Variants in TMEM39A observed in about 807,000 individuals in gnomAD.
TMEM39A encodes suppressor of SQST-1 aggregates in rpl-43 mutants.
A neutral mutation model predicts 51.9 loss-of-function variants in TMEM39A; 19 were observed. The observed-to-expected ratio is 0.37, with a 90% CI of 0.26 to 0.54. TMEM39A has a LOEUF of 0.54. Ranked by LOEUF, TMEM39A falls within the 20% of genes least tolerant of loss-of-function variation. TMEM39A has a pLI of 0.88. For synonymous variants in TMEM39A, 197 were observed against 220.2 expected (o/e 0.89, Z 0.93); for missense variants, 433 against 590.5 (o/e 0.73, Z 2.76).
At chr3:119,445,321 C>T (rs926009678) in intron 5 of TMEM39A, among the ~76,000 whole-genome samples, 2 of 152,138 alleles carry the variant, frequency 1.3e-5, no homozygotes, top group Non-Finnish European at 2.9e-5. Context: ...TGCCATGGCG[C>T]GATCCTGGCT....
At position 119,436,668 on chromosome 3, in the gene TMEM39A, A is replaced by G. The variant is rs2080971967; in HGVS notation, c.1112+123T>C. The G allele has an allele frequency of 3.8e-6, 4 of 1,045,928 alleles. No homozygotes were observed. The Admixed American group carries it at 8.6e-5, about 23-fold the overall frequency. 64.8% of individuals were successfully genotyped at this position (1,045,928 alleles called of 1,614,324 possible). A position where few individuals can be genotyped will look rare whatever the true frequency, so the allele number is the denominator to read the frequency against. ...CAGTTTAGCATGATGACAAGCATCCATGTAAGACAAAAACTAAAAATTAAA... is the reference window on the plus strand; with the variant it reads ...CAGTTTAGCATGATGACAAGCATCCGTGTAAGACAAAAACTAAAAATTAAA... On this transcript the variant is annotated intron_variant, in intron 7 of 8. Transcript: ENST00000319172.
intron 4 of TMEM39A, among the ~76,000 whole-genome samples, chr3:119,450,111 C>T (rs558954400): frequency 6.6e-6 from 1 of 152,334 alleles, no homozygotes; most frequent in Non-Finnish European, 1.5e-5. Context: ...CTATACAGCT[C>T]TTATTTTAAA....
intron 3 of TMEM39A, among the ~76,000 whole-genome samples, chr3:119,453,236 C>T (rs531090924): frequency 5.9e-5 from 9 of 152,122 alleles, no homozygotes; most frequent in Non-Finnish European, 1.0e-4. Context: ...CAATTCCTTC[C>T]AGAATGAAAC....
rs773863481 is a variant in TMEM39A at position 119,432,086 on chromosome 3, G to A, written c.1362C>T (p.Ile454=). 3 of 1,613,168 alleles carry A rather than the reference G, an allele frequency of 1.9e-6. No individual in the cohort carries two copies. Among genetic ancestry groups the A allele is most frequent in the South Asian group, 2.2e-5 (2 of 91,068 alleles). Residue 454 remains isoleucine (I), a synonymous_variant, in exon 9 of 9, where the codon ATC becomes ATT. Transcript: ENST00000319172. ...ATAAAACATAGTAGTTGCAGAAGAG[G>A]ATGAGAGCCATGGAAAGTGTGTGGT... ...KWNHTLSMAL[I]LFCNYYVLFK...
intron 3 of TMEM39A, among the ~76,000 whole-genome samples, chr3:119,455,749 A>G (rs2081255740): frequency 6.6e-6 from 1 of 152,226 alleles, no homozygotes; most frequent in South Asian, 2.1e-4. Flanking sequence ...CTATAGTCAG[A>G]TATGTTAGAT....
intron 7 of TMEM39A, chr3:119,436,479 T>C: frequency 4.6e-6 from 1 of 217,008 alleles, no homozygotes; most frequent in Non-Finnish European, 9.2e-6. Flanking sequence ...AGAAATAAAA[T>C]ATATGACTCT....
rs1199229134 is a variant in TMEM39A, at chr3:119,449,773, G to T, written c.421-2601C>A. 2.0e-5 allele frequency among the ~76,000 whole-genome samples: 3 copies of T among 152,110 alleles called. No homozygotes were observed. In the East Asian group the frequency reaches 5.8e-4, roughly 29 times the overall value. On this transcript the variant is annotated intron_variant, in intron 4 of 8. Coordinates refer to ENST00000319172, the MANE Select transcript of TMEM39A (RefSeq NM_018266.3). ...AATTTTTAAAAAGAGAGTTGCTTCAGGTTGGTGAAAAAACAGCTAAATTTA... is the reference window on the plus strand; with the variant it reads ...AATTTTTAAAAAGAGAGTTGCTTCATGTTGGTGAAAAAACAGCTAAATTTA...
At chr3:119,459,252 CA>C (rs570307709) in intron 2 of TMEM39A, among the ~76,000 whole-genome samples, 2 of 152,190 alleles carry the variant, frequency 1.3e-5, no homozygotes, top group Non-Finnish European at 2.9e-5. Flanking sequence ...ACTGTTTATA[CA>C]AACAATGTGG....
intron 5 of TMEM39A, among the ~76,000 whole-genome samples, chr3:119,439,033 T>C (rs1057002762): frequency 1.3e-5 from 2 of 152,308 alleles, no homozygotes; most frequent in South Asian, 2.1e-4. Flanking sequence ...TGTTTAAGTA[T>C]GCAATAAACT....
chr3:119,449,155 A>G (rs1275001021), intron 4 of TMEM39A, among the ~76,000 whole-genome samples: 3 of 151,680 alleles, frequency 2.0e-5, no homozygotes, highest in East Asian at 3.8e-4. Flanking sequence ...AAAAATATTC[A>G]TAACATTATG....
At chr3:119,440,587 T>C (rs141121527) in intron 5 of TMEM39A, among the ~76,000 whole-genome samples, 160 of 152,296 alleles carry the variant, frequency 1.1e-3, no homozygotes, top group Middle Eastern at 3.4e-3. Context: ...GAGAAGCTAT[T>C]TGAGAACTGA....
At chr3:119,438,348 AAC>A in intron 5 of TMEM39A, among the ~76,000 whole-genome samples, 1 of 152,332 alleles carries the variant, frequency 6.6e-6, no homozygotes, top group African/African-American at 2.4e-5. Context: ...ACAATGGCAA[AAC>A]ACACATCACT....
At chr3:119,455,741 A>G (rs2081255615) in intron 3 of TMEM39A, among the ~76,000 whole-genome samples, 1 of 152,230 alleles carries the variant, frequency 6.6e-6, no homozygotes, top group Non-Finnish European at 1.5e-5. Flanking sequence ...CTAAAGAACT[A>G]TAGTCAGATA....
At chr3:119,441,157 A>G (rs2081048275) in intron 5 of TMEM39A, among the ~76,000 whole-genome samples, 1 of 152,164 alleles carries the variant, frequency 6.6e-6, no homozygotes, top group Admixed American at 6.5e-5. Context: ...AGAATATTGA[A>G]ATAAGGCCAA....
At chr3:119,439,329 C>G (rs1423467075) in intron 5 of TMEM39A, among the ~76,000 whole-genome samples, 1 of 151,990 alleles carries the variant, frequency 6.6e-6, no homozygotes, top group Non-Finnish European at 1.5e-5. Context: ...GCCTATAATC[C>G]CAGCACTTTG....
Position 119,458,047 on chromosome 3 carries a change from A to G in TMEM39A, c.307T>C (p.Tyr103His). 2 of 1,614,048 alleles carry G rather than the reference A, an allele frequency of 1.2e-6. No individual in the cohort carries two copies. Among genetic ancestry groups the G allele is most frequent in the Non-Finnish European group, 1.7e-6 (2 of 1,179,908 alleles). The change falls in exon 3 of 9, where the codon TAC (tyrosine) becomes CAC (histidine). Residue 103 changes from tyrosine to histidine, a missense_variant. Coordinates refer to ENST00000319172, the MANE Select transcript of TMEM39A (RefSeq NM_018266.3). ...GATGTACAAGAAGCAGGATGATTGT[A>G]AGGATACCACCACACTGTTTTATAA... ...NIYKTVWWYP[Y>H]NHPASCTSLN...
In TMEM39A at chr3:119,432,015, T is replaced by A. The variant is rs758397001; in HGVS notation, c.1433A>T (p.Tyr478Phe). Residue 478 changes from tyrosine to phenylalanine, a missense_variant, in exon 9 of 9, where the codon TAC becomes TTC. By Grantham distance (22) the Tyr-to-Phe change is conservative. Coordinates refer to ENST00000319172, the MANE Select transcript of TMEM39A (RefSeq NM_018266.3). ...DRIVLGRAYS[Y>F]PLNSYELKAN Reference sequence around the variant, plus strand: ...CTTGAGTTCATAACTGTTGAGTGGGTAGGAGTATGCCCTGCCTAATACTAT... The same window carrying A: ...CTTGAGTTCATAACTGTTGAGTGGGAAGGAGTATGCCCTGCCTAATACTAT... 1.9e-6 allele frequency: 3 copies of A among 1,612,438 alleles called. No individual in the cohort carries two copies. Among genetic ancestry groups the A allele is most frequent in the Non-Finnish European group, 2.5e-6 (3 of 1,178,904 alleles).
At position 119,445,258 on chromosome 3, in the gene TMEM39A, T is replaced by TTTTA. The variant is rs996667179; in HGVS notation, c.575+1756_575+1759dup. On this transcript the variant is annotated intron_variant, in intron 5 of 8. Transcript: ENST00000319172. ...GATTTGGGAATTTTATTTTATTTTA[T>TTTTA]TTTATTTATTTATTTATTTGAGACA... Among the ~76,000 whole-genome samples the TTTTA allele has an allele frequency of 1.2e-3, 178 of 152,160 alleles. 1 individual carries two copies. The highest frequency in any genetic ancestry group is 3.9e-3 in the African/African-American group (161 of 41,524).
chr3:119,437,981 C>G lies in TMEM39A; in HGVS notation c.698G>C (p.Gly233Ala), dbSNP rs1445669123. 2 of 1,614,132 alleles carry G rather than the reference C, an allele frequency of 1.2e-6. No homozygotes were observed. Among genetic ancestry groups the G allele is most frequent in the Middle Eastern group, 1.6e-4 (1 of 6,062 alleles). ...AVEESASTVG[G>A]LAKSKDFLSL... Reference sequence around the variant, plus strand: ...GAGAAAGTCTTTGGATTTGGCCAAGCCTCCCACAGTCGAGGCACTTTCCTC... The same window carrying G: ...GAGAAAGTCTTTGGATTTGGCCAAGGCTCCCACAGTCGAGGCACTTTCCTC... Residue 233 changes from glycine (G) to alanine (A), a missense_variant, in exon 6 of 9, where the codon GGC becomes GCC. Physicochemically the swap from Gly to Ala is moderately conservative, Grantham distance 60 (BLOSUM62 0). Transcript: ENST00000319172.
Sources: gnomAD v4.1 joint callset for allele counts (sites outside exome capture counted in the v4.1 genomes callset) on GRCh38, gnomAD v4.1.1 for gene constraint, MANE v1.5 for transcripts, NCBI Gene and HGNC (gene_info 2026-07-23, HGNC 2026-07-21) for gene names.